Variants in DNAH7 observed in about 807,000 individuals in gnomAD.
DNAH7 encodes axonemal beta dynein heavy chain 7.
Under a neutral mutation model 444.6 loss-of-function variants are expected in DNAH7, and 397 were observed. The observed-to-expected ratio is 0.89, with a 90% CI of 0.82 to 0.97. The LOEUF (loss-of-function observed/expected upper bound fraction) is 0.97. Among genes scored for constraint, DNAH7 ranks in the 50% least tolerant of loss-of-function variants. DNAH7 has a pLI of 0.00. For synonymous variants in DNAH7, 1,636 were observed against 1,624.4 expected (o/e 1.01, Z -0.17); for missense variants, 4,902 against 4,800.8 (o/e 1.02, Z -0.62).
chr2:195,955,996 G>A (rs994806498), intron 19 of DNAH7, among the ~76,000 whole-genome samples: 1 of 152,080 alleles, frequency 6.6e-6, no homozygotes. Context: ...TAATTTTACA[G>A]AAGTTTGGTT....
intron 28 of DNAH7, among the ~76,000 whole-genome samples, chr2:195,898,843 T>TAA (rs1180398211): frequency 2.6e-5 from 4 of 152,320 alleles, no homozygotes; most frequent in African/African-American, 9.6e-5. Flanking sequence ...GTTGAACTCT[T>TAA]AACTTGTTAC....
intron 12 of DNAH7, among the ~76,000 whole-genome samples, chr2:195,996,808 G>A (rs1387456911): frequency 6.6e-6 from 1 of 152,210 alleles, no homozygotes; most frequent in Non-Finnish European, 1.5e-5. Flanking sequence ...CATGTCTGCA[G>A]TGGACATTCT....
At chr2:195,770,866 AT>A (rs202188677) in intron 61 of DNAH7, among the ~76,000 whole-genome samples, 13,762 of 133,466 alleles carry the variant, frequency 0.1, 878 homozygotes, top group East Asian at 0.29. Context: ...AATGCCCAGC[AT>A]TTTTTTTTTT....
intron 19 of DNAH7, among the ~76,000 whole-genome samples, chr2:195,941,049 T>A (rs188853736): frequency 1.4e-3 from 209 of 152,116 alleles, no homozygotes; most frequent in African/African-American, 4.4e-3. Flanking sequence ...TATAAATCAT[T>A]CTACCATAAA....
chr2:195,824,358 C>T lies in DNAH7; in HGVS notation c.9188G>A (p.Cys3063Tyr), dbSNP rs1403305956. Residue 3063 changes from cysteine (C) to tyrosine (Y), a missense_variant, in exon 49 of 65, where the codon TGT becomes TAT. Transcript: ENST00000312428. ...AATTGTGGAGTCCCCAAGCCGGATA[C>T]ATGTACTCCCACCCTGCTTAAAGGT... Reference protein sequence around the residue: ...KQTFKQGGSTCIRLGDSTIEY... With the variant: ...KQTFKQGGSTYIRLGDSTIEY... The T allele has an allele frequency of 6.2e-7, 1 of 1,613,840 alleles. No homozygotes were observed. The highest frequency in any genetic ancestry group is 1.3e-5 in the African/African-American group (1 of 74,900).
chr2:195,811,728 CAGA>C (rs1559113936), intron 51 of DNAH7, among the ~76,000 whole-genome samples: 1 of 151,968 alleles, frequency 6.6e-6, no homozygotes, highest in Non-Finnish European at 1.5e-5. Flanking sequence ...ACTTATGTTT[CAGA>C]AGAATACTTA....
chr2:196,038,858 A>G (rs1006632518), intron 5 of DNAH7, among the ~76,000 whole-genome samples: 3 of 152,190 alleles, frequency 2.0e-5, no homozygotes, highest in Non-Finnish European at 4.4e-5. Context: ...TACCCACTCA[A>G]TACTGGAGCA....
At chr2:195,932,966 A>G (rs1277483400) in intron 21 of DNAH7, among the ~76,000 whole-genome samples, 2 of 151,980 alleles carry the variant, frequency 1.3e-5, no homozygotes, top group Admixed American at 6.6e-5. Flanking sequence ...CTCTTTTTCT[A>G]TTGATTGGAA....
chr2:195,741,763 T>G (rs540539853), intron 63 of DNAH7, among the ~76,000 whole-genome samples: 112 of 152,306 alleles, frequency 7.4e-4, no homozygotes, highest in African/African-American at 2.5e-3. Context: ...GAGTAGCATA[T>G]GAAAATCTAC....
chr2:195,956,496 C>T (rs1690665042), intron 19 of DNAH7, among the ~76,000 whole-genome samples: 1 of 151,820 alleles, frequency 6.6e-6, no homozygotes, highest in South Asian at 2.1e-4. Flanking sequence ...ACTAAAAATA[C>T]AAAAATTAGC....
intron 63 of DNAH7, among the ~76,000 whole-genome samples, chr2:195,749,468 C>A (rs1025916122): frequency 2.0e-4 from 31 of 152,274 alleles, no homozygotes; most frequent in Middle Eastern, 3.4e-3. Flanking sequence ...TTGACCCACC[C>A]ATCCCATTAC....
rs867733869 is a variant in DNAH7, at chr2:195,778,683, T to C, written c.10879-698A>G. On this transcript the variant is annotated intron_variant, in intron 58 of 64. Coordinates refer to ENST00000312428, the MANE Select transcript of DNAH7 (RefSeq NM_018897.3). The stretch of plus-strand genomic sequence containing the variant: ...ATATATATATATACACACACACACA[T>C]ATATATACACATATATATATACACA... 1.5e-4 allele frequency among the ~76,000 whole-genome samples: 14 copies of C among 95,738 alleles called. No individual in the cohort carries two copies. In the South Asian group the frequency reaches 1.5e-3, roughly 10 times the overall value. The allele number at this position is 95,738 out of a possible 152,430, so 62.8% of individuals were successfully genotyped here. A position where few individuals can be genotyped will look rare whatever the true frequency, so the allele number is the denominator to read the frequency against.
chr2:195,916,394 G>C (rs1687674928), intron 24 of DNAH7, among the ~76,000 whole-genome samples: 1 of 152,106 alleles, frequency 6.6e-6, no homozygotes, highest in Non-Finnish European at 1.5e-5. Flanking sequence ...TGTTACAGTA[G>C]GTAGTCAGTC....
chr2:195,857,233 C>T (rs1430449829), intron 44 of DNAH7, 144 bp downstream of exon 44: 2 of 687,044 alleles, frequency 2.9e-6, no homozygotes, highest in East Asian at 5.8e-5. Flanking sequence ...ATCTTGCCTC[C>T]AGTAAATATG....
intron 61 of DNAH7, among the ~76,000 whole-genome samples, chr2:195,764,284 T>C (rs1055708218): frequency 6.6e-6 from 1 of 152,098 alleles, no homozygotes; most frequent in Admixed American, 6.5e-5. Context: ...GCTAGTATCA[T>C]ACTGCATGGA....
At chr2:195,759,461 C>CA (rs1390494855) in intron 61 of DNAH7, among the ~76,000 whole-genome samples, 1 of 152,132 alleles carries the variant, frequency 6.6e-6, no homozygotes, top group Admixed American at 6.5e-5. Context: ...TGTGACCCTG[C>CA]ACGTTTCCAC....
At chr2:196,006,215 A>G (rs7609099) in intron 10 of DNAH7, among the ~76,000 whole-genome samples, 10,591 of 152,118 alleles carry the variant, frequency 0.07, 516 homozygotes, top group African/African-American at 0.13. Context: ...ATAAGGCACA[A>G]GAAACACTTG....
At chr2:195,915,247 A>T (rs1207862220) in intron 24 of DNAH7, among the ~76,000 whole-genome samples, 1 of 152,300 alleles carries the variant, frequency 6.6e-6, no homozygotes. Context: ...TAATGTAGGG[A>T]ATGTCAGAGA....
chr2:195,924,710 A>G (rs1559230074), intron 22 of DNAH7, among the ~76,000 whole-genome samples: 1 of 151,790 alleles, frequency 6.6e-6, no homozygotes, highest in Non-Finnish European at 1.5e-5. Context: ...TAACTCTCAC[A>G]TAAGCTTTCT....
Sources: gnomAD v4.1 joint callset for allele counts (sites outside exome capture counted in the v4.1 genomes callset) on GRCh38, gnomAD v4.1.1 for gene constraint, MANE v1.5 for transcripts, NCBI Gene and HGNC (gene_info 2026-07-23, HGNC 2026-07-21) for gene names.